FOXP1: variants seen among roughly 807,000 people sequenced by gnomAD.
The protein encoded by FOXP1 is forkhead box protein P1.
In FOXP1, 15 loss-of-function variants were observed where a neutral mutation model predicts 98.2. That is an observed-to-expected ratio of 0.15 (90% CI 0.10 to 0.24). The LOEUF is 0.24. Ranked by LOEUF, FOXP1 falls within the 10% of genes least tolerant of loss-of-function variation. The pLI, the probability that FOXP1 is intolerant of heterozygous loss-of-function variation, is 1.00. For missense variants in FOXP1, 633 were observed against 848.5 expected, an observed-to-expected ratio of 0.75 and a Z score of 3.15; for synonymous variants, 371 against 314.5, an observed-to-expected ratio of 1.18 and a Z score of -1.90.
rs1030132056 is a variant in FOXP1 at position 71,365,756 on chromosome 3, C to T, written c.-167-6512G>A. Among the ~76,000 whole-genome samples the T allele has an allele frequency of 3.9e-5, 6 of 152,092 alleles. 1 individual carries two copies. The highest frequency in any genetic ancestry group is 2.0e-4 in the Admixed American group (3 of 15,276). On this transcript the variant is annotated intron_variant, in intron 3 of 20. Coordinates refer to ENST00000649528, the MANE Select transcript of FOXP1 (RefSeq NM_001349338.3). The stretch of plus-strand genomic sequence containing the variant: ...TCCCAGCACTTTGGGAGGCCAAGCC[C>T]GGCAGATCACGAGGTCAAGAGATGG...
chr3:71,554,396 T>C (rs2045979290), intron 2 of FOXP1, among the ~76,000 whole-genome samples: 1 of 152,174 alleles, frequency 6.6e-6, no homozygotes, highest in African/African-American at 2.4e-5. Context: ...ATGTGTTTAA[T>C]CACCACAAAA....
intron 5 of FOXP1, among the ~76,000 whole-genome samples, chr3:71,235,868 T>C (rs553747437): frequency 2.0e-5 from 3 of 152,256 alleles, no homozygotes; most frequent in African/African-American, 7.2e-5. Context: ...ACCCGGCTAA[T>C]ATTTCTCTCT....
intron 4 of FOXP1, among the ~76,000 whole-genome samples, chr3:71,312,029 TC>T (rs1010834781): frequency 5.9e-5 from 9 of 152,156 alleles, no homozygotes; most frequent in African/African-American, 1.9e-4. Context: ...GGCGGGGCCC[TC>T]CCTCTTGGCT....
At chr3:70,969,164 G>A (rs1575727429) in intron 19 of FOXP1, 1 of 147,746 alleles carries the variant, frequency 6.8e-6, no homozygotes, top group Admixed American at 6.8e-5. Context: ...TATAAAATGT[G>A]CTTGTAATCT....
chr3:71,581,449 C>G, intron 2 of FOXP1, 100 bp downstream of exon 2: 2 of 985,456 alleles, frequency 2.0e-6, no homozygotes, highest in Non-Finnish European at 2.4e-6. Context: ...TCGCTAGGCT[C>G]GCGCCACCCC....
chr3:71,417,383 G>C (rs191197334), intron 3 of FOXP1, among the ~76,000 whole-genome samples: 57 of 152,304 alleles, frequency 3.7e-4, no homozygotes, highest in African/African-American at 1.3e-3. Flanking sequence ...AGACGTGTAA[G>C]ACCCGGCACC....
intron 2 of FOXP1, among the ~76,000 whole-genome samples, chr3:71,523,990 T>C (rs1011084072): frequency 6.6e-6 from 1 of 152,158 alleles, no homozygotes; most frequent in Non-Finnish European, 1.5e-5. Context: ...ACAATGTATG[T>C]TACCAGCCGA....
intron 2 of FOXP1, among the ~76,000 whole-genome samples, chr3:71,563,882 G>A (rs986822556): frequency 6.6e-6 from 1 of 152,180 alleles, no homozygotes; most frequent in South Asian, 2.1e-4. Flanking sequence ...TAAGGAGCTG[G>A]GCAAGCTGGT....
rs180682488 is a variant in FOXP1 at position 71,160,666 on chromosome 3, A to T, written c.180+37536T>A. Among the ~76,000 whole-genome samples, 177 of 152,348 alleles carry T rather than the reference A, an allele frequency of 1.2e-3. 2 individuals are homozygous for T. The highest frequency in any genetic ancestry group is 3.2e-4 in the Non-Finnish European group (22 of 68,032). On this transcript the variant is annotated intron_variant, in intron 6 of 20. Transcript: ENST00000649528. ...TGCACTCACATTTCAGGTGCTCCAT[A>T]GCTACATTGGCTAGTGGTTACCTCA...
At chr3:71,468,227 C>T (rs1376817424) in intron 3 of FOXP1, among the ~76,000 whole-genome samples, 1 of 151,926 alleles carries the variant, frequency 6.6e-6, no homozygotes, top group African/African-American at 2.4e-5. Flanking sequence ...GATATGATGA[C>T]ATAAATTGAA....
chr3:71,256,348 G>T (rs553890083), intron 5 of FOXP1, among the ~76,000 whole-genome samples: 1 of 152,002 alleles, frequency 6.6e-6, no homozygotes, highest in Non-Finnish European at 1.5e-5. Flanking sequence ...TGGTGGGGGC[G>T]GGGCATCCAG....
At chr3:71,494,663 T>C (rs1376189849) in intron 2 of FOXP1, among the ~76,000 whole-genome samples, 3 of 152,158 alleles carry the variant, frequency 2.0e-5, no homozygotes, top group Non-Finnish European at 4.4e-5. Context: ...TGCATAAGCA[T>C]CTTTTGGAGA....
In FOXP1 at chr3:71,046,935, C is replaced by T. The variant is rs764369417; in HGVS notation, c.664+7G>A. The T allele has an allele frequency of 1.2e-5, 19 of 1,613,862 alleles. No individual in the cohort carries two copies. The highest frequency in any genetic ancestry group is 4.0e-5 in the African/African-American group (3 of 74,916). On this transcript the variant is annotated splice_region_variant and intron_variant, in intron 10 of 20. Transcript: ENST00000649528. Reference sequence around the variant, plus strand: ...AGAGCTATGCCTTCTGTAAAATCAACGCATACCTTGAGCAAGAGGTTGAAG... The same window carrying T: ...AGAGCTATGCCTTCTGTAAAATCAATGCATACCTTGAGCAAGAGGTTGAAG...
At chr3:71,211,667 G>A (rs534360116) in intron 5 of FOXP1, among the ~76,000 whole-genome samples, 1 of 152,172 alleles carries the variant, frequency 6.6e-6, no homozygotes, top group South Asian at 2.1e-4. Context: ...AGAGGCCTTG[G>A]GCTAACTCAA....
chr3:71,421,917 G>A (rs2083684031), intron 3 of FOXP1, among the ~76,000 whole-genome samples: 1 of 152,200 alleles, frequency 6.6e-6, no homozygotes, highest in Non-Finnish European at 1.5e-5. Context: ...AGCTCAGAAG[G>A]CAAGTCATAA....
At chr3:71,466,824 T>A (rs1286893890) in intron 3 of FOXP1, among the ~76,000 whole-genome samples, 1 of 152,224 alleles carries the variant, frequency 6.6e-6, no homozygotes, top group African/African-American at 2.4e-5. Context: ...TAGTTCTACA[T>A]GAGAGACGCA....
At chr3:71,490,159 G>A (rs1428729018) in intron 3 of FOXP1, among the ~76,000 whole-genome samples, 2 of 152,148 alleles carry the variant, frequency 1.3e-5, no homozygotes, top group Non-Finnish European at 2.9e-5. Context: ...GCAGCACAGA[G>A]GAAGAGAGTG....
At chr3:71,190,459 A>G (rs1378982005) in intron 6 of FOXP1, among the ~76,000 whole-genome samples, 1 of 134,974 alleles carries the variant, frequency 7.4e-6, no homozygotes, top group Admixed American at 7.1e-5. Context: ...AGGAAAACAA[A>G]AAGAAAAACA....
intron 16 of FOXP1, 47 bp from the exon 17 acceptor site, chr3:70,977,089 GA>G (rs746906819): frequency 8.1e-7 from 1 of 1,232,206 alleles, no homozygotes; most frequent in Non-Finnish European, 1.2e-6. Context: ...CAAATCAGCA[GA>G]GTCGTCATTC....
Sources: gnomAD v4.1 joint callset for allele counts (sites outside exome capture counted in the v4.1 genomes callset) on GRCh38, gnomAD v4.1.1 for gene constraint, MANE v1.5 for transcripts, NCBI Gene and HGNC (gene_info 2026-07-23, HGNC 2026-07-21) for gene names.